Variants in LINGO2 observed in about 807,000 individuals in gnomAD.
LINGO2 encodes leucine rich repeat and Ig domain containing 2, also known as leucine-rich repeat and immunoglobulin-like domain-containing nogo receptor-interacting protein 2.
LINGO2 carries 14 observed loss-of-function variants against 30.6 expected under a neutral mutation model. The ratio of observed to expected loss-of-function variants is 0.46; its 90% CI spans 0.30 to 0.72. The LOEUF is 0.72. Among genes scored for constraint, LINGO2 ranks in the 30% least tolerant of loss-of-function variants. The probability of loss-of-function intolerance (pLI) is 0.07; values close to 1 mark genes in which losing one functional copy is unlikely to be tolerated. For synonymous variants in LINGO2, 317 were observed against 288.5 expected (o/e 1.10, Z -1.00); for missense variants, 729 against 751.7 (o/e 0.97, Z 0.35).
At chr9:29,145,420 G>GT in the LINGO2 span, among the ~76,000 whole-genome samples, 120 of 145,562 alleles carry the variant, frequency 8.2e-4, 1 homozygote, top group Middle Eastern at 3.6e-3. Context: ...AAAAATTAGT[G>GT]TTTTTTTTTT....
At chr9:28,682,186 T>C in the LINGO2 span, among the ~76,000 whole-genome samples, 1 of 152,282 alleles carries the variant, frequency 6.6e-6, no homozygotes, top group African/African-American at 2.4e-5. Context: ...TGTAAACTTA[T>C]ATCAGTCTCT....
At chr9:28,352,299 A>G (rs1320075781) in intron 3 of LINGO2, among the ~76,000 whole-genome samples, 2 of 146,848 alleles carry the variant, frequency 1.4e-5, no homozygotes, top group African/African-American at 2.5e-5. Flanking sequence ...CAACTTCAGC[A>G]AAGTCTCAGG....
chr9:28,439,075 T>C (rs1340151062), intron 2 of LINGO2, among the ~76,000 whole-genome samples: 1 of 147,694 alleles, frequency 6.8e-6, no homozygotes, highest in Non-Finnish European at 1.5e-5. Context: ...TATAATGAAA[T>C]ATAGATAATA....
At chr9:28,235,963 G>A (rs999293768) in intron 4 of LINGO2, among the ~76,000 whole-genome samples, 11 of 152,084 alleles carry the variant, frequency 7.2e-5, no homozygotes, top group Admixed American at 2.6e-4. Flanking sequence ...AGGTAAGAAC[G>A]TTCAAATACA....
chr9:28,182,934 T>C (rs972750171), intron 4 of LINGO2, among the ~76,000 whole-genome samples: 10 of 152,192 alleles, frequency 6.6e-5, no homozygotes, highest in Non-Finnish European at 1.5e-4. Flanking sequence ...AAATACCATT[T>C]GACTCAGCAA....
At chr9:28,079,208 T>TCAA (rs1203259888) in intron 4 of LINGO2, among the ~76,000 whole-genome samples, 2 of 135,234 alleles carry the variant, frequency 1.5e-5, no homozygotes, top group African/African-American at 7.8e-5. Context: ...TTAATATAGA[T>TCAA]AACTGGAAAA....
chr9:28,151,783 A>G (rs1284833694), intron 4 of LINGO2, among the ~76,000 whole-genome samples: 1 of 152,068 alleles, frequency 6.6e-6, no homozygotes, highest in Admixed American at 6.5e-5. Flanking sequence ...TGGCAATAAG[A>G]CTATAAAATT....
the LINGO2 span, among the ~76,000 whole-genome samples, chr9:28,973,779 A>T: frequency 2.0e-5 from 3 of 152,158 alleles, no homozygotes; most frequent in Non-Finnish European, 4.4e-5. Context: ...TTACCTTATA[A>T]TAGTGTATCC....
At chr9:28,383,256 G>T (rs10812791) in intron 2 of LINGO2, among the ~76,000 whole-genome samples, 2,607 of 20,950 alleles carry the variant, frequency 0.12, 44 homozygotes, top group Middle Eastern at 0.21. Flanking sequence ...ACCATTCATT[G>T]TGTGTGTGTG....
At chr9:28,947,854 T>A in the LINGO2 span, among the ~76,000 whole-genome samples, 1 of 152,026 alleles carries the variant, frequency 6.6e-6, no homozygotes, top group African/African-American at 2.4e-5. Flanking sequence ...ATGCTCCAAC[T>A]TCATTTGGGA....
At chr9:28,816,982 C>G in the LINGO2 span, among the ~76,000 whole-genome samples, 1 of 152,114 alleles carries the variant, frequency 6.6e-6, no homozygotes, top group African/African-American at 2.4e-5. Context: ...ACTATACTCA[C>G]AGGCGACATT....
At chr9:28,888,580 A>T in the LINGO2 span, among the ~76,000 whole-genome samples, 1 of 152,102 alleles carries the variant, frequency 6.6e-6, no homozygotes, top group Non-Finnish European at 1.5e-5. Flanking sequence ...AAGCACTGGC[A>T]CCATTCATTT....
At chr9:29,112,319 T>C in the LINGO2 span, among the ~76,000 whole-genome samples, 1 of 152,146 alleles carries the variant, frequency 6.6e-6, no homozygotes, top group African/African-American at 2.4e-5. Context: ...TGCAATTTTT[T>C]GGGCTCCAGC....
chr9:28,381,066 G>C (rs553873568), intron 2 of LINGO2, among the ~76,000 whole-genome samples: 1 of 151,960 alleles, frequency 6.6e-6, no homozygotes, highest in Admixed American at 6.6e-5. Context: ...ATCCACCATT[G>C]GTTGGTAAAA....
intron 1 of LINGO2, among the ~76,000 whole-genome samples, chr9:28,509,793 A>T (rs962828116): frequency 2.0e-5 from 3 of 152,234 alleles, no homozygotes; most frequent in African/African-American, 7.2e-5. Context: ...AGGAAATAAA[A>T]GTTCATTGTT....
chr9:29,035,474 T>A, the LINGO2 span, among the ~76,000 whole-genome samples: 1 of 151,836 alleles, frequency 6.6e-6, no homozygotes, highest in Non-Finnish European at 1.5e-5. Flanking sequence ...AATCCAGTTT[T>A]ATGCCTACAG....
chr9:28,516,474 C>T (rs1331677108), intron 1 of LINGO2, among the ~76,000 whole-genome samples: 1 of 152,202 alleles, frequency 6.6e-6, no homozygotes, highest in Non-Finnish European at 1.5e-5. Context: ...TTTAGGGACA[C>T]AGGTCCTGCC....
the LINGO2 span, among the ~76,000 whole-genome samples, chr9:29,121,935 GGT>G: frequency 6.6e-6 from 1 of 151,984 alleles, no homozygotes; most frequent in Non-Finnish European, 1.5e-5. Flanking sequence ...GAATGTAATT[GGT>G]GAGGACAGGT....
intron 1 of LINGO2, among the ~76,000 whole-genome samples, chr9:28,533,408 G>A (rs1424372281): frequency 6.6e-6 from 1 of 152,036 alleles, no homozygotes; most frequent in Non-Finnish European, 1.5e-5. Flanking sequence ...GTGATCCTGT[G>A]AGTCAACACT....
Sources: allele counts gnomAD v4.1 joint callset (sites outside exome capture counted in the v4.1 genomes callset), GRCh38; gene constraint gnomAD v4.1.1; transcripts MANE v1.5; gene names NCBI Gene and HGNC (gene_info 2026-07-23, HGNC 2026-07-21).